PHACTR1: variants seen among roughly 807,000 people sequenced by gnomAD.
The protein encoded by PHACTR1 is phosphatase and actin regulator 1.
In PHACTR1, 16 loss-of-function variants were observed where a neutral mutation model predicts 69.2. The ratio of observed to expected loss-of-function variants is 0.23; its 90% CI spans 0.16 to 0.35. PHACTR1 has a LOEUF of 0.35. Among genes scored for constraint, PHACTR1 ranks in the 10% least tolerant of loss-of-function variants. PHACTR1 has a pLI of 1.00. For synonymous variants in PHACTR1, 312 were observed against 284.5 expected, an observed-to-expected ratio of 1.10 and a Z score of -0.97; for missense variants, 510 against 734.7, an observed-to-expected ratio of 0.69 and a Z score of 3.54.
In PHACTR1 at chr6:13,245,069, C is replaced by A. The variant is rs2127383709; in HGVS notation, c.1391+14876C>A. Reference sequence around the variant, plus strand: ...TTCAGCCGGTCCCTCTGTTTGGGGTCCCTGACTTCCCGCAACAGTATTTAG... The same window carrying A: ...TTCAGCCGGTCCCTCTGTTTGGGGTACCTGACTTCCCGCAACAGTATTTAG... On this transcript the variant is annotated intron_variant, in intron 10 of 14. Transcript: ENST00000332995. This position sits in a 1 kb window ranked among gnomAD's most constrained non-coding sequence, Gnocchi z 4.1. 6.6e-6 allele frequency among the ~76,000 whole-genome samples: 1 copy of A among 152,288 alleles called. No homozygotes were observed. The highest frequency in any genetic ancestry group is 2.4e-5 in the African/African-American group (1 of 41,546).
chr6:12,967,776 A>G (rs1045831836), intron 4 of PHACTR1, among the ~76,000 whole-genome samples: 1 of 152,262 alleles, frequency 6.6e-6, no homozygotes, highest in Non-Finnish European at 1.5e-5. Context: ...AATCAAGTCC[A>G]AAGTGTGCTT....
intron 4 of PHACTR1, among the ~76,000 whole-genome samples, chr6:12,965,036 A>G (rs1793261455): frequency 1.3e-5 from 2 of 152,202 alleles, no homozygotes; most frequent in South Asian, 4.1e-4. Flanking sequence ...CATATAATCT[A>G]TGTACATCCT....
chr6:12,845,125 G>A (rs941414685), intron 4 of PHACTR1, among the ~76,000 whole-genome samples: 2 of 152,134 alleles, frequency 1.3e-5, no homozygotes, highest in Non-Finnish European at 2.9e-5. Flanking sequence ...GCGTTGGATC[G>A]ACGTTTTTCA....
intron 10 of PHACTR1, chr6:13,267,741 A>G (rs538389498): frequency 3.3e-5 from 5 of 151,716 alleles, no homozygotes; most frequent in Non-Finnish European, 5.9e-5. Context: ...GTAGATTAGC[A>G]GATGAAAGAC....
intron 4 of PHACTR1, among the ~76,000 whole-genome samples, chr6:12,867,966 T>G (rs1781625412): frequency 6.6e-6 from 1 of 151,996 alleles, no homozygotes; most frequent in South Asian, 2.1e-4. Flanking sequence ...GAATAAGAAG[T>G]TCAGGTGCTA....
rs990658754 is a variant in PHACTR1, at chr6:13,128,281, A to G, written c.416-31923A>G. Among the ~76,000 whole-genome samples, 3 of 23,838 alleles carry G rather than the reference A, an allele frequency of 1.3e-4. No individual in the cohort carries two copies. The South Asian group carries it at 3.6e-3, about 28-fold the overall frequency. 15.6% of individuals were successfully genotyped at this position (23,838 alleles called of 152,430 possible). Reference sequence around the variant, plus strand: ...GATCATACCAGCTTCCCAGCAATGGATCCAAACTAAAAAAAAAATCTGAAT... The same window carrying G: ...GATCATACCAGCTTCCCAGCAATGGGTCCAAACTAAAAAAAAAATCTGAAT... On this transcript the variant is annotated intron_variant, in intron 5 of 14. Coordinates refer to ENST00000332995, the MANE Select transcript of PHACTR1 (RefSeq NM_030948.6).
chr6:13,210,579 C>G (rs544201981), intron 8 of PHACTR1, among the ~76,000 whole-genome samples: 1 of 152,148 alleles, frequency 6.6e-6, no homozygotes, highest in Non-Finnish European at 1.5e-5. Context: ...AGACACACCA[C>G]GTATTAGCTG....
At chr6:13,196,283 G>A (rs1411031957) in intron 7 of PHACTR1, among the ~76,000 whole-genome samples, 2 of 136,450 alleles carry the variant, frequency 1.5e-5, no homozygotes, top group African/African-American at 2.8e-5. Flanking sequence ...CAGGAATCAA[G>A]GGAAAGGAGG....
chr6:12,778,733 T>G (rs979021994), intron 4 of PHACTR1, among the ~76,000 whole-genome samples: 1 of 152,226 alleles, frequency 6.6e-6, no homozygotes, highest in African/African-American at 2.4e-5. Flanking sequence ...AAACTTATTA[T>G]GAACCTGTAC....
chr6:13,125,986 A>G (rs1375605830), intron 5 of PHACTR1, among the ~76,000 whole-genome samples: 2 of 152,220 alleles, frequency 1.3e-5, no homozygotes, highest in Non-Finnish European at 2.9e-5. Flanking sequence ...TTGTATGAAG[A>G]TATTTCCACA....
At chr6:12,775,213 G>A (rs1304643420) in intron 4 of PHACTR1, among the ~76,000 whole-genome samples, 1 of 152,142 alleles carries the variant, frequency 6.6e-6, no homozygotes, top group African/African-American at 2.4e-5. Context: ...AGTTTTTCAA[G>A]TAAAGAGGTC....
At chr6:12,892,018 C>T (rs997475637) in intron 4 of PHACTR1, among the ~76,000 whole-genome samples, 18 of 152,192 alleles carry the variant, frequency 1.2e-4, no homozygotes, top group African/African-American at 4.3e-4. Flanking sequence ...AAAGGTTCTA[C>T]ATTAAAGAGA....
At chr6:13,228,942 T>C (rs1392990519) in intron 9 of PHACTR1, among the ~76,000 whole-genome samples, 1 of 152,228 alleles carries the variant, frequency 6.6e-6, no homozygotes, top group Non-Finnish European at 1.5e-5. Context: ...ATCCTCAGAC[T>C]TGTTGCCTGC....
chr6:13,028,094 A>G (rs1258422230), intron 4 of PHACTR1, among the ~76,000 whole-genome samples: 1 of 152,210 alleles, frequency 6.6e-6, no homozygotes, highest in Non-Finnish European at 1.5e-5. Context: ...CAGGGTATAG[A>G]TGCTTCTTTA....
chr6:12,721,801 G>T (rs553596770), intron 3 of PHACTR1, among the ~76,000 whole-genome samples: 1 of 152,310 alleles, frequency 6.6e-6, no homozygotes, highest in South Asian at 2.1e-4. Flanking sequence ...TGGACAACCA[G>T]CACCCCTTAG....
chr6:12,825,247 A>G (rs1026054904), intron 4 of PHACTR1, among the ~76,000 whole-genome samples: 34 of 151,992 alleles, frequency 2.2e-4, no homozygotes, highest in African/African-American at 8.2e-4. Context: ...CCGGAGTTCA[A>G]GGCTGCAGAG....
At chr6:13,001,902 G>A (rs547595540) in intron 4 of PHACTR1, among the ~76,000 whole-genome samples, 2 of 152,292 alleles carry the variant, frequency 1.3e-5, no homozygotes, top group Non-Finnish European at 2.9e-5. Context: ...TGATTACTGC[G>A]GGTAGCAATA....
intron 4 of PHACTR1, among the ~76,000 whole-genome samples, chr6:12,797,056 A>G (rs1364258435): frequency 6.7e-6 from 1 of 150,360 alleles, no homozygotes; most frequent in East Asian, 2.0e-4. Flanking sequence ...AGAGAGAGAG[A>G]GGGATATGAA....
chr6:12,964,349 G>A (rs909616751), intron 4 of PHACTR1, among the ~76,000 whole-genome samples: 3 of 152,180 alleles, frequency 2.0e-5, no homozygotes, highest in Non-Finnish European at 2.9e-5. Flanking sequence ...GATGATAAGA[G>A]GGAGATATTA....
Sources: allele counts gnomAD v4.1 joint callset (sites outside exome capture counted in the v4.1 genomes callset), GRCh38; gene constraint gnomAD v4.1.1; non-coding constraint Gnocchi (gnomAD v3.1); transcripts MANE v1.5; gene names NCBI Gene and HGNC (gene_info 2026-07-23, HGNC 2026-07-21).